The following TAB2 variants were observed in gnomAD, a reference collection of about 807,000 sequenced individuals.
The protein encoded by TAB2 is TGF-beta-activated kinase 1 and MAP3K7-binding protein 2.
A neutral mutation model predicts 65.0 loss-of-function variants in TAB2; 3 were observed. That is an observed-to-expected ratio of 0.05 (90% CI 0.02 to 0.12). The LOEUF (loss-of-function observed/expected upper bound fraction) is 0.12. TAB2 is among the 10% of genes least tolerant of loss of function. The pLI is 1.00. For synonymous variants in TAB2, 298 were observed against 285.1 expected (o/e 1.05, Z -0.46); for missense variants, 623 against 840.3 (o/e 0.74, Z 3.20).
chr6:149,340,113 C>T (rs1164747592), intron 1 of TAB2, among the ~76,000 whole-genome samples: 1 of 152,038 alleles, frequency 6.6e-6, no homozygotes, highest in Non-Finnish European at 1.5e-5. Flanking sequence ...ATCTATGATT[C>T]GGAATCTTTT....
At chr6:149,250,150 T>G (rs1167372903) in intron 1 of TAB2, among the ~76,000 whole-genome samples, 1 of 152,124 alleles carries the variant, frequency 6.6e-6, no homozygotes, top group Non-Finnish European at 1.5e-5. Context: ...GGCTTTTGTT[T>G]ACCAGAGTAT....
At chr6:149,368,855 T>C (rs1043624533) in intron 1 of TAB2, among the ~76,000 whole-genome samples, 1 of 152,152 alleles carries the variant, frequency 6.6e-6, no homozygotes, top group Admixed American at 6.6e-5. Context: ...GCGCTTATTT[T>C]ATTGAGCACT....
intron 1 of TAB2, among the ~76,000 whole-genome samples, chr6:149,356,925 T>A (rs187288035): frequency 9.8e-5 from 15 of 152,308 alleles, no homozygotes; most frequent in Admixed American, 5.9e-4. Context: ...ATAGAATTTT[T>A]TTACAGTAAT....
At chr6:149,260,803 C>T (rs948862625) in intron 1 of TAB2, among the ~76,000 whole-genome samples, 5 of 152,188 alleles carry the variant, frequency 3.3e-5, no homozygotes, top group African/African-American at 4.8e-5. Flanking sequence ...ATGAAAGACA[C>T]GTACTGACCT....
chr6:149,291,721 G>C (rs639749), intron 1 of TAB2: 61,433 of 151,998 alleles, frequency 0.4, 14,032 homozygotes, highest in African/African-American at 0.64. Context: ...ATTAGCCAGG[G>C]GTGGTGGTGG....
intron 1 of TAB2, among the ~76,000 whole-genome samples, chr6:149,273,090 CA>C (rs1192119634): frequency 6.6e-6 from 1 of 152,072 alleles, no homozygotes; most frequent in Non-Finnish European, 1.5e-5. Context: ...TCCCTGGCGA[CA>C]AAAGCATCGA....
rs1371936306 is a variant in TAB2, at chr6:149,317,977, CGG to C, written c.-127_-126del. On this transcript the variant is annotated 5_prime_UTR_variant, in exon 1 of 7. Coordinates refer to ENST00000637181, the MANE Select transcript of TAB2 (RefSeq NM_001292034.3). The surrounding 1 kb of genome is among the most constrained non-coding windows in gnomAD (Gnocchi z 4.7). The stretch of plus-strand genomic sequence containing the variant: ...CTAGTGGGAGAGGCGGCGGCGGCGG[CGG>C]CCGAGGAGGAGGAGGGGGAAGCGGC... 1.1e-3 allele frequency: 183 copies of C among 171,474 alleles called. No homozygotes were observed. The highest frequency in any genetic ancestry group is 2.9e-3 in the Middle Eastern group (1 of 340). 10.6% of individuals were successfully genotyped at this position (171,474 alleles called of 1,614,324 possible).
At chr6:149,367,411 C>T (rs1781075439) in intron 1 of TAB2, among the ~76,000 whole-genome samples, 1 of 152,070 alleles carries the variant, frequency 6.6e-6, no homozygotes, top group African/African-American at 2.4e-5. Context: ...AAGGGAAGAA[C>T]AAGAGTGACT....
At chr6:149,401,687 G>A (rs1255308176) in intron 6 of TAB2, among the ~76,000 whole-genome samples, 1 of 151,950 alleles carries the variant, frequency 6.6e-6, no homozygotes, top group Non-Finnish European at 1.5e-5. Flanking sequence ...AAGCACACAC[G>A]GAACATTCTG....
At chr6:149,275,945 T>C (rs1307843866) in intron 1 of TAB2, among the ~76,000 whole-genome samples, 1 of 152,170 alleles carries the variant, frequency 6.6e-6, no homozygotes, top group Non-Finnish European at 1.5e-5. Context: ...TGACTAAATG[T>C]AATGTGGTAT....
intron 1 of TAB2, among the ~76,000 whole-genome samples, chr6:149,278,730 A>G (rs936993933): frequency 6.6e-6 from 1 of 152,162 alleles, no homozygotes; most frequent in Non-Finnish European, 1.5e-5. Context: ...AGAAAAAAGG[A>G]GAAGTAGAGG....
At position 149,372,655 on chromosome 6, in the gene TAB2, T is replaced by G. The variant is rs1781268366; in HGVS notation, c.102+2556T>G. On this transcript the variant is annotated intron_variant, in intron 2 of 6. Transcript: ENST00000637181. ...GTTAATGAAAATGAAATACTTTGCT[T>G]GCCTGAAACAGACCACACTTTTTAA... is the stretch of plus-strand genomic sequence containing the variant. 2.6e-5 allele frequency among the ~76,000 whole-genome samples: 4 copies of G among 152,316 alleles called. No homozygotes were observed. In the South Asian group the frequency reaches 8.3e-4, roughly 32 times the overall value.
rs565557330 is a variant in TAB2, at chr6:149,227,823, T to C, written c.-121+9047T>C. 2.6e-5 allele frequency among the ~76,000 whole-genome samples: 4 copies of C among 152,316 alleles called. No homozygotes were observed. In the East Asian group the frequency reaches 7.7e-4, roughly 29 times the overall value. The stretch of plus-strand genomic sequence containing the variant: ...GGAGTGGTCGCCTTGATCATTGTTA[T>C]TACTGGGTGATGGGTTCGTGAAGGT... On this transcript the variant is annotated intron_variant, in intron 1 of 1. Coordinates refer to the TAB2 transcript ENST00000606202.
chr6:149,316,575 G>A (rs908743770), upstream of TAB2, among the ~76,000 whole-genome samples: 8 of 152,272 alleles, frequency 5.3e-5, no homozygotes, highest in Non-Finnish European at 1.5e-5. Flanking sequence ...GGAAGCGCTA[G>A]AATTTTTAAA....
At position 149,410,688 on chromosome 6, in the gene TAB2, A is replaced by G. The variant is rs1333692083; in HGVS notation, c.*969A>G. The G allele has an allele frequency of 6.6e-6, 1 of 152,658 alleles. No individual in the cohort carries two copies. The highest frequency in any genetic ancestry group is 1.5e-5 in the Non-Finnish European group (1 of 68,042). 9.5% of individuals were successfully genotyped at this position (152,658 alleles called of 1,614,324 possible). On this transcript the variant is annotated 3_prime_UTR_variant, in exon 7 of 7. Coordinates refer to ENST00000637181, the MANE Select transcript of TAB2 (RefSeq NM_001292034.3). ...AGAAGTGATGTCTGTAGGTCACATT[A>G]AATACTGACTTGAGCAGTGGGTGAC...
rs773130938 is a variant in TAB2, at chr6:149,379,040, T to A, written c.1125T>A (p.Asn375Lys). Residue 375 changes from asparagine to lysine, a missense_variant, in exon 3 of 7, where the codon AAT (asparagine) becomes AAA (lysine). By Grantham distance (94) the Asn-to-Lys change is moderately conservative. This residue lies in a region of TAB2 where 550 missense variants were observed against 665.7 expected (regional missense o/e 0.83). Transcript: ENST00000637181. ...TTTACATAGCTGCCAGCCCCCCAAA[T>A]ACGGATGAGCTGATGTCCCGTAGTC... ...PTVYIAASPP[N>K]TDELMSRSQP... The A allele has an allele frequency of 1.2e-6, 2 of 1,614,120 alleles. No individual in the cohort carries two copies. The highest frequency in any genetic ancestry group is 1.7e-6 in the Non-Finnish European group (2 of 1,180,030).
intron 1 of TAB2, among the ~76,000 whole-genome samples, chr6:149,320,445 A>G (rs1411033735): frequency 2.6e-5 from 4 of 152,226 alleles, no homozygotes. Flanking sequence ...ACACTTGGTT[A>G]AATGTCTTAT....
At chr6:149,341,138 A>T (rs945828481) in intron 1 of TAB2, among the ~76,000 whole-genome samples, 1 of 152,026 alleles carries the variant, frequency 6.6e-6, no homozygotes, top group African/African-American at 2.4e-5. Flanking sequence ...TTAACAAGAG[A>T]TGTGTTGACA....
chr6:149,391,925 A>G (rs1027216709), intron 3 of TAB2, among the ~76,000 whole-genome samples: 6 of 151,998 alleles, frequency 3.9e-5, no homozygotes, highest in Non-Finnish European at 7.4e-5. Flanking sequence ...TTTGGCAGTG[A>G]TGTTTTTAAT....
Sources: allele counts gnomAD v4.1 joint callset (sites outside exome capture counted in the v4.1 genomes callset), GRCh38; gene constraint gnomAD v4.1.1; regional missense constraint gnomAD v4.1.1; non-coding constraint Gnocchi (gnomAD v3.1); transcripts MANE v1.5; gene names NCBI Gene and HGNC (gene_info 2026-07-23, HGNC 2026-07-21).